PTPRM: variants seen among roughly 807,000 people sequenced by gnomAD.
PTPRM encodes the protein protein tyrosine phosphatase receptor type M.
A neutral mutation model predicts 186.7 loss-of-function variants in PTPRM; 47 were observed. The observed-to-expected ratio is 0.25, with a 90% CI of 0.20 to 0.32. The LOEUF is 0.32. Ranked by LOEUF, PTPRM falls within the 10% of genes least tolerant of loss-of-function variation. The probability of loss-of-function intolerance (pLI) is 1.00; values close to 1 mark genes in which losing one functional copy is unlikely to be tolerated. For missense variants in PTPRM, 1,494 were observed against 1,865.0 expected (o/e 0.80, Z 3.66); for synonymous variants, 668 against 674.9 (o/e 0.99, Z 0.16).
At chr18:7,735,885 T>G (rs1001006362) in intron 1 of PTPRM, among the ~76,000 whole-genome samples, 20 of 151,952 alleles carry the variant, frequency 1.3e-4, no homozygotes, top group African/African-American at 3.6e-4. Context: ...CAGGTAAAGC[T>G]GAACTCTTTT....
intron 2 of PTPRM, among the ~76,000 whole-genome samples, chr18:7,870,455 A>G (rs999696082): frequency 1.3e-5 from 2 of 152,258 alleles, no homozygotes; most frequent in African/African-American, 2.4e-5. Flanking sequence ...ATTTTTGTGC[A>G]TATGGTTGAG....
At chr18:7,893,652 G>T (rs2049192848) in intron 3 of PTPRM, among the ~76,000 whole-genome samples, 1 of 152,180 alleles carries the variant, frequency 6.6e-6, no homozygotes, top group Non-Finnish European at 1.5e-5. Flanking sequence ...CTTCCAGCAA[G>T]CATCGGCCTT....
At chr18:7,900,513 A>G (rs762306958) in intron 3 of PTPRM, among the ~76,000 whole-genome samples, 2 of 152,164 alleles carry the variant, frequency 1.3e-5, no homozygotes, top group Non-Finnish European at 2.9e-5. Flanking sequence ...GGATGTAAAA[A>G]TTTTAGAACC....
intron 23 of PTPRM, among the ~76,000 whole-genome samples, chr18:8,359,812 T>C (rs1375639559): frequency 6.6e-6 from 1 of 152,232 alleles, no homozygotes; most frequent in Non-Finnish European, 1.5e-5. Context: ...AGAGCTGCAA[T>C]AGTCTGCCTT....
At chr18:7,616,872 C>T (rs1352282823) in intron 1 of PTPRM, among the ~76,000 whole-genome samples, 1 of 152,120 alleles carries the variant, frequency 6.6e-6, no homozygotes, top group Non-Finnish European at 1.5e-5. Flanking sequence ...TTTGTCTGGC[C>T]TGCTCTCCTG....
At chr18:8,356,209 A>C in intron 23 of PTPRM, among the ~76,000 whole-genome samples, 1 of 80,702 alleles carries the variant, frequency 1.2e-5, no homozygotes, top group South Asian at 4.0e-4. Context: ...ACTTGACAGA[A>C]GCTTAGCTCT....
chr18:7,702,135 T>A (rs960242710), intron 1 of PTPRM, among the ~76,000 whole-genome samples: 1 of 152,112 alleles, frequency 6.6e-6, no homozygotes, highest in African/African-American at 2.4e-5. Flanking sequence ...TCTTTGCTAT[T>A]GTGAACAGTA....
At chr18:8,050,927 G>A (rs1483786111) in intron 7 of PTPRM, among the ~76,000 whole-genome samples, 1 of 152,108 alleles carries the variant, frequency 6.6e-6, no homozygotes, top group African/African-American at 2.4e-5. Context: ...TTTGGGTGAG[G>A]GGAGGGGGAG....
At chr18:8,397,673 C>G (rs574548505) in intron 32 of PTPRM, among the ~76,000 whole-genome samples, 1 of 152,162 alleles carries the variant, frequency 6.6e-6, no homozygotes, top group African/African-American at 2.4e-5. Context: ...AGATTCCCCA[C>G]GACTCGCCTA....
At chr18:7,687,821 A>C (rs1475899473) in intron 1 of PTPRM, among the ~76,000 whole-genome samples, 1 of 149,760 alleles carries the variant, frequency 6.7e-6, no homozygotes, top group Non-Finnish European at 1.5e-5. Flanking sequence ...CTGTGTCACC[A>C]GACTGGAGTG....
intron 7 of PTPRM, among the ~76,000 whole-genome samples, chr18:8,036,198 T>C (rs2086319313): frequency 6.6e-6 from 1 of 152,202 alleles, no homozygotes; most frequent in Admixed American, 6.5e-5. Flanking sequence ...ATAAAAATTA[T>C]TGTGTTTGGT....
At chr18:8,080,446 C>T (rs1404086455) in intron 9 of PTPRM, among the ~76,000 whole-genome samples, 1 of 152,022 alleles carries the variant, frequency 6.6e-6, no homozygotes, top group Non-Finnish European at 1.5e-5. Context: ...AAGTAACTAC[C>T]CCATCAGCAA....
chr18:7,872,139 C>G (rs1044727157), intron 2 of PTPRM, among the ~76,000 whole-genome samples: 2 of 152,084 alleles, frequency 1.3e-5, no homozygotes, highest in African/African-American at 4.8e-5. Flanking sequence ...GCTTTTTTGT[C>G]AGATAAAATT....
intron 14 of PTPRM, among the ~76,000 whole-genome samples, chr18:8,221,122 T>G (rs1326954657): frequency 6.6e-6 from 1 of 152,196 alleles, no homozygotes; most frequent in Admixed American, 6.5e-5. Flanking sequence ...GGTGTTTATT[T>G]TGCAAATATG....
At chr18:7,622,417 C>T (rs1429400308) in intron 1 of PTPRM, among the ~76,000 whole-genome samples, 1 of 152,036 alleles carries the variant, frequency 6.6e-6, no homozygotes, top group East Asian at 1.9e-4. Flanking sequence ...ATACTGGGCT[C>T]CCAGGGGTCT....
chr18:8,232,574 A>C (rs1314765290), intron 14 of PTPRM, among the ~76,000 whole-genome samples: 1 of 152,186 alleles, frequency 6.6e-6, no homozygotes, highest in East Asian at 1.9e-4. Flanking sequence ...ACCCAGTGAC[A>C]GTGCAGTGGT....
chr18:8,102,775 G>A (rs2091347132), intron 11 of PTPRM, among the ~76,000 whole-genome samples: 1 of 152,020 alleles, frequency 6.6e-6, no homozygotes, highest in Admixed American at 6.5e-5. Context: ...AATGGCATCT[G>A]GAATAGTGAC....
chr18:7,917,754 T>C (rs1471511817), intron 4 of PTPRM, among the ~76,000 whole-genome samples: 1 of 149,324 alleles, frequency 6.7e-6, no homozygotes, highest in African/African-American at 2.5e-5. Flanking sequence ...GTCACCCTGT[T>C]GATCTTCAAG....
At chr18:7,642,569 A>G (rs2144191768) in intron 1 of PTPRM, among the ~76,000 whole-genome samples, 1 of 152,308 alleles carries the variant, frequency 6.6e-6, no homozygotes, top group South Asian at 2.1e-4. Flanking sequence ...ATTATTCCAC[A>G]ATGTGGGAAA....
Sources: allele counts gnomAD v4.1 joint callset (sites outside exome capture counted in the v4.1 genomes callset), GRCh38; gene constraint gnomAD v4.1.1; transcripts MANE v1.5; gene names NCBI Gene and HGNC (gene_info 2026-07-23, HGNC 2026-07-21).